USP42: variants seen among roughly 807,000 people sequenced by gnomAD.
USP42 encodes the protein ubiquitin specific peptidase 42.
In USP42, 23 loss-of-function variants were observed where a neutral mutation model predicts 113.0. That is an observed-to-expected ratio of 0.20 (90% confidence interval 0.15 to 0.29). The LOEUF is 0.29. Among genes scored for constraint, USP42 ranks in the 10% least tolerant of loss-of-function variants. The pLI is 1.00. For missense variants in USP42, 2,174 were observed against 1,779.8 expected, an observed-to-expected ratio of 1.22 and a Z score of -3.99; for synonymous variants, 933 against 699.0, an observed-to-expected ratio of 1.33 and a Z score of -5.28.
chr7:6,157,041 T>G lies in USP42; in HGVS notation c.3929T>G (p.Phe1310Cys), dbSNP rs764268159. 29 of 1,606,264 alleles carry G rather than the reference T, an allele frequency of 1.8e-5. No homozygotes were observed. Among genetic ancestry groups the G allele is most frequent in the Non-Finnish European group, 2.5e-5 (29 of 1,177,388 alleles). The change falls in exon 16 of 18, where the codon TTT becomes TGT. Residue 1310 changes from phenylalanine to cysteine, a missense_variant. Phe to Cys is a radical substitution (Grantham distance 205). Transcript: ENST00000306177. This position sits in a 1 kb window ranked among gnomAD's most constrained non-coding sequence, Gnocchi z 4.1. ...MESRDDRCRL[F>C]EYGQGD ...AGCAGGGATGACAGGTGTCGTCTCTTTGAGTATGGCCAGGGTAAGAGGAGA... is the reference window on the plus strand; with the variant it reads ...AGCAGGGATGACAGGTGTCGTCTCTGTGAGTATGGCCAGGGTAAGAGGAGA...
intron 3 of USP42, among the ~76,000 whole-genome samples, chr7:6,131,127 C>T (rs1422410062): frequency 2.6e-5 from 4 of 152,128 alleles, no homozygotes; most frequent in South Asian, 2.1e-4. Context: ...ACGCTGAGCC[C>T]TTTGCTACCT....
chr7:6,140,898 T>C lies in USP42; in HGVS notation c.725-16T>C. On this transcript the variant is annotated splice_polypyrimidine_tract_variant and intron_variant, in intron 6 of 17. Transcript: ENST00000306177. Reference sequence around the variant, plus strand: ...ATTATACTTTGCTCATCTTTTGCATTTTATTTTTATTTCAGTCAAATGTTT... The same window carrying C: ...ATTATACTTTGCTCATCTTTTGCATCTTATTTTTATTTCAGTCAAATGTTT... 1 of 1,451,730 alleles carries C rather than the reference T, an allele frequency of 6.9e-7. No individual in the cohort carries two copies. The highest frequency in any genetic ancestry group is 9.5e-7 in the Non-Finnish European group (1 of 1,051,954). The allele number at this position is 1,451,730 out of a possible 1,614,324, so 89.9% of individuals were successfully genotyped here.
At chr7:6,103,998 C>T (rs1779106451), upstream of USP42, among the ~76,000 whole-genome samples, 1 of 150,612 alleles carries the variant, frequency 6.6e-6, no homozygotes, top group Non-Finnish European at 1.5e-5. Flanking sequence ...ACAGGAACAT[C>T]GCTTGAGCCC....
Position 6,157,183 on chromosome 7 carries a change from C to T in USP42, c.3943+128C>T. The T allele has an allele frequency of 2.1e-6, 3 of 1,435,316 alleles. No homozygotes were observed. Among genetic ancestry groups the T allele is most frequent in the East Asian group, 2.5e-5 (1 of 39,730 alleles). The allele number at this position is 1,435,316 out of a possible 1,614,324, so 88.9% of individuals were successfully genotyped here. On this transcript the variant is annotated intron_variant, in intron 16 of 17. Coordinates refer to ENST00000306177, the MANE Select transcript of USP42 (RefSeq NM_032172.3). The surrounding 1 kb of genome is among the most constrained non-coding windows in gnomAD (Gnocchi z 4.1). ...AAGGGCACAGTTACTCAGAGCACCC[C>T]TGCCCTGCCTGGTCTGGCCTCAGTG... is the stretch of plus-strand genomic sequence containing the variant.
chr7:6,104,121 C>G (rs976023514), upstream of USP42, among the ~76,000 whole-genome samples: 8 of 151,410 alleles, frequency 5.3e-5, no homozygotes, highest in African/African-American at 1.7e-4. Flanking sequence ...GTCGCCCAGG[C>G]TGGAGGGCTG....
rs367952373 is a variant in USP42, at chr7:6,149,852, C to G, written c.1656C>G (p.Pro552=). 45 of 1,613,910 alleles carry G rather than the reference C, an allele frequency of 2.8e-5. No homozygotes were observed. The highest frequency in any genetic ancestry group is 3.6e-5 in the Non-Finnish European group (43 of 1,179,894). ...ATTCTTTGGAGAACCCTACCAAGCC[C>G]GTTCCCTCTTCTACCATTACCAATT... ...HSNSLENPTK[P]VPSSTITNSA... The change falls in exon 13 of 18, where the codon CCC becomes CCG. Residue 552 remains proline (P), a synonymous_variant. Transcript: ENST00000306177.
upstream of USP42, among the ~76,000 whole-genome samples, chr7:6,100,682 CTT>C (rs1228529787): frequency 1.6e-4 from 21 of 130,114 alleles, no homozygotes; most frequent in African/African-American, 1.8e-4. Context: ...TATCCACTGT[CTT>C]TTTTTTTTTT....
At chr7:6,141,976 C>T (rs1199420553) in intron 7 of USP42, among the ~76,000 whole-genome samples, 1 of 152,162 alleles carries the variant, frequency 6.6e-6, no homozygotes, top group Non-Finnish European at 1.5e-5. Flanking sequence ...TGAGACCTTT[C>T]TGTGTGAGCG....
upstream of USP42, among the ~76,000 whole-genome samples, chr7:6,100,632 T>C (rs1176572189): frequency 6.7e-6 from 1 of 150,254 alleles, no homozygotes; most frequent in African/African-American, 2.5e-5. Flanking sequence ...GCCTGGCACC[T>C]GGACATTTTT....
chr7:6,115,610 C>T, intron 3 of USP42, 87 bp downstream of exon 3: 1 of 1,456,662 alleles, frequency 6.9e-7, no homozygotes, highest in South Asian at 1.2e-5. Context: ...AGAATTAATC[C>T]AAGAGTGCTA....
chr7:6,138,177 TA>T (rs1373149905), intron 4 of USP42, among the ~76,000 whole-genome samples: 2 of 152,238 alleles, frequency 1.3e-5, no homozygotes, highest in Non-Finnish European at 2.9e-5. Context: ...AGAACATTTT[TA>T]TACATTCATA....
intron 1 of USP42, among the ~76,000 whole-genome samples, chr7:6,109,690 C>A (rs1218871074): frequency 6.7e-6 from 1 of 148,722 alleles, no homozygotes; most frequent in Non-Finnish European, 1.5e-5. Context: ...GCCACTGCGC[C>A]CCGCCCGGCC....
At chr7:6,112,577 C>G (rs1338954706) in intron 2 of USP42, among the ~76,000 whole-genome samples, 2 of 152,172 alleles carry the variant, frequency 1.3e-5, no homozygotes, top group African/African-American at 2.4e-5. Flanking sequence ...TAAGTTGGTA[C>G]TTCAAGACTT....
At position 6,155,224 on chromosome 7, in the gene USP42, G is replaced by T. The variant is rs1281344183; in HGVS notation, c.3641+29G>T. 4 of 1,496,770 alleles carry T rather than the reference G, an allele frequency of 2.7e-6. No homozygotes were observed. In the African/African-American group the frequency reaches 5.7e-5, roughly 21 times the overall value. 92.7% of individuals were successfully genotyped at this position (1,496,770 alleles called of 1,614,324 possible). A position where few individuals can be genotyped will look rare whatever the true frequency, so the allele number is the denominator to read the frequency against. On this transcript the variant is annotated intron_variant, in intron 15 of 17. Transcript: ENST00000306177. ...AGCCTGGGGCCTTGTGCTCCCCGAG[G>T]CGCTGGCGCTGCTGTCAGCAGTGGG...
At chr7:6,090,532 T>C in the USP42 span, among the ~76,000 whole-genome samples, 13 of 145,864 alleles carry the variant, frequency 8.9e-5, no homozygotes, top group East Asian at 2.6e-3. Context: ...CTGGCTAACA[T>C]GGTGAAACCC....
chr7:6,136,672 C>T (rs546704128), intron 4 of USP42, among the ~76,000 whole-genome samples: 69 of 152,298 alleles, frequency 4.5e-4, no homozygotes, highest in African/African-American at 1.4e-3. Flanking sequence ...CTTTACTATA[C>T]GCAGTGACAG....
chr7:6,130,136 C>T (rs1780771963), intron 3 of USP42, among the ~76,000 whole-genome samples: 1 of 152,100 alleles, frequency 6.6e-6, no homozygotes, highest in African/African-American at 2.4e-5. Flanking sequence ...TAGGCATGAG[C>T]CCCCGCGCCT....
intron 3 of USP42, 139 bp downstream of exon 3, chr7:6,115,662 G>A: frequency 9.8e-7 from 1 of 1,019,802 alleles, no homozygotes; most frequent in Non-Finnish European, 1.4e-6. Context: ...AAACCAAGGA[G>A]GAGGACTCAG....
chr7:6,150,772 G>A (rs908452122), intron 14 of USP42, among the ~76,000 whole-genome samples: 2 of 152,226 alleles, frequency 1.3e-5, no homozygotes, highest in Admixed American at 6.5e-5. Context: ...TCTGGTTAGC[G>A]GTGTTACTGG....
Sources: allele counts gnomAD v4.1 joint callset (sites outside exome capture counted in the v4.1 genomes callset), GRCh38; gene constraint gnomAD v4.1.1; non-coding constraint Gnocchi (gnomAD v3.1); transcripts MANE v1.5; gene names NCBI Gene and HGNC (gene_info 2026-07-23, HGNC 2026-07-21).